Variants in DCAF6 observed in about 807,000 individuals in gnomAD.
DCAF6 encodes DDB1 and CUL4 associated factor 6.
In DCAF6, 54 loss-of-function variants were observed where a neutral mutation model predicts 125.1. That is an observed-to-expected ratio of 0.43 (90% CI 0.35 to 0.54). DCAF6 has a LOEUF of 0.54. Ranked by LOEUF, DCAF6 falls within the 20% of genes least tolerant of loss-of-function variation. The probability of loss-of-function intolerance (pLI) is 0.01; values close to 1 mark genes in which losing one functional copy is unlikely to be tolerated. For synonymous variants in DCAF6, 371 were observed against 390.4 expected, an observed-to-expected ratio of 0.95 and a Z score of 0.58; for missense variants, 934 against 1,161.7, an observed-to-expected ratio of 0.80 and a Z score of 2.85.
chr1:167,898,926 A>G, the DCAF6 span, among the ~76,000 whole-genome samples: 1 of 152,128 alleles, frequency 6.6e-6, no homozygotes, highest in Admixed American at 6.5e-5. Flanking sequence ...TCAATCTGCA[A>G]CTTAACCACA....
chr1:167,887,641 A>T, the DCAF6 span, among the ~76,000 whole-genome samples: 1 of 152,156 alleles, frequency 6.6e-6, no homozygotes. Flanking sequence ...ACATGTATAC[A>T]TAACGTAACA....
At chr1:167,931,471 C>T (rs1467229103), upstream of DCAF6, among the ~76,000 whole-genome samples, 1 of 151,894 alleles carries the variant, frequency 6.6e-6, no homozygotes, top group African/African-American at 2.4e-5. Context: ...TATCTCTTAA[C>T]TTTAAATAAG....
At chr1:168,070,577 A>G (rs1398152192) in intron 21 of DCAF6, among the ~76,000 whole-genome samples, 2 of 152,208 alleles carry the variant, frequency 1.3e-5, no homozygotes, top group Admixed American at 6.5e-5. Context: ...TTTACAAACT[A>G]CAAATACTTA....
chr1:167,899,890 C>T, the DCAF6 span, among the ~76,000 whole-genome samples: 3 of 152,296 alleles, frequency 2.0e-5, no homozygotes, highest in East Asian at 1.9e-4. Context: ...CTACCAGTCC[C>T]CAAAGTTATT....
the DCAF6 span, chr1:167,924,566 G>A: frequency 6.8e-7 from 1 of 1,462,420 alleles, no homozygotes; most frequent in Non-Finnish European, 9.1e-7. Context: ...GAAAAATTCA[G>A]GAATAAACCA....
At chr1:167,941,743 T>C (rs979355618) in intron 1 of DCAF6, among the ~76,000 whole-genome samples, 1 of 152,118 alleles carries the variant, frequency 6.6e-6, no homozygotes, top group African/African-American at 2.4e-5. Context: ...TTAAAAAAAT[T>C]TTTTTTTAAA....
intron 10 of DCAF6, among the ~76,000 whole-genome samples, chr1:168,009,678 T>C (rs1359202761): frequency 6.6e-6 from 1 of 152,090 alleles, no homozygotes; most frequent in Non-Finnish European, 1.5e-5. Context: ...GGCTTATCAC[T>C]TGGCCAACTT....
intron 6 of DCAF6, among the ~76,000 whole-genome samples, chr1:167,992,881 A>G (rs1681064071): frequency 6.6e-6 from 1 of 152,214 alleles, no homozygotes. Flanking sequence ...AGCTTTTTGT[A>G]AAAATTTGTT....
At chr1:168,002,657 A>G in intron 8 of DCAF6, 82 bp downstream of exon 8, 1 of 1,069,954 alleles carries the variant, frequency 9.3e-7, no homozygotes. Flanking sequence ...CACTATTATA[A>G]ATTATTCTGT....
At chr1:167,925,944 AAT>A in the DCAF6 span, among the ~76,000 whole-genome samples, 19 of 152,220 alleles carry the variant, frequency 1.2e-4, no homozygotes, top group African/African-American at 4.3e-4. Context: ...ATAGTTTTAA[AAT>A]ATGTTTGCTG....
At chr1:167,941,154 A>G (rs1166335540) in intron 1 of DCAF6, among the ~76,000 whole-genome samples, 1 of 152,092 alleles carries the variant, frequency 6.6e-6, no homozygotes, top group East Asian at 1.9e-4. Flanking sequence ...TTAGTGAAAT[A>G]TTTGTATTTT....
the DCAF6 span, chr1:167,870,285 C>A: frequency 6.2e-7 from 1 of 1,614,036 alleles, no homozygotes; most frequent in Middle Eastern, 1.7e-4. Flanking sequence ...GCCAGGTACT[C>A]AATTTTCATA....
In DCAF6 at chr1:168,063,643, C is replaced by T; in HGVS notation, c.2323C>T (p.Gln775Ter). Reference protein sequence around the residue: ...IMRRSAVARIQEFFRRRKERK... With the variant: ...IMRRSAVARI ...TAGACGCTCTGCTGTTGCCCGTATT[C>T]AGGAGTTCTTCAGACGGAGAAAAGA... Residue 775 changes from glutamine to a stop codon, truncating the protein, a stop_gained, in exon 18 of 22, where the codon CAG (glutamine) becomes TAG (stop). Transcript: ENST00000367840. LOFTEE classifies it high-confidence loss of function. 6.3e-7 allele frequency: 1 copy of T among 1,595,280 alleles called. No individual in the cohort carries two copies. Among genetic ancestry groups the T allele is most frequent in the Non-Finnish European group, 8.5e-7 (1 of 1,172,126 alleles).
upstream of DCAF6, among the ~76,000 whole-genome samples, chr1:167,933,686 C>T (rs1670978416): frequency 6.6e-6 from 1 of 152,178 alleles, no homozygotes; most frequent in Admixed American, 6.5e-5. Context: ...TGAATATTCA[C>T]TCTGGATAAA....
chr1:168,038,123 A>G (rs1384145393), intron 12 of DCAF6, among the ~76,000 whole-genome samples: 1 of 152,172 alleles, frequency 6.6e-6, no homozygotes, highest in Non-Finnish European at 1.5e-5. Context: ...ATGGTTCTCA[A>G]TGTGTGTGAT....
At chr1:167,877,726 GA>G in the DCAF6 span, among the ~76,000 whole-genome samples, 1 of 152,178 alleles carries the variant, frequency 6.6e-6, no homozygotes, top group African/African-American at 2.4e-5. Context: ...GACAAAGGGG[GA>G]AAGAGCTTAA....
At chr1:167,948,112 TTA>T (rs1179058162) in intron 1 of DCAF6, among the ~76,000 whole-genome samples, 4 of 151,922 alleles carry the variant, frequency 2.6e-5, no homozygotes, top group Non-Finnish European at 4.4e-5. Context: ...CTCTTTAATA[TTA>T]TATAACGACT....
the DCAF6 span, among the ~76,000 whole-genome samples, chr1:167,897,145 G>T: frequency 6.6e-6 from 1 of 151,524 alleles, no homozygotes; most frequent in South Asian, 2.1e-4. Flanking sequence ...ACTGAGGATG[G>T]CACGATCTCA....
chr1:168,018,149 T>C (rs186331712), intron 11 of DCAF6, among the ~76,000 whole-genome samples: 2 of 152,328 alleles, frequency 1.3e-5, no homozygotes, highest in East Asian at 3.9e-4. Context: ...GAAACCACTT[T>C]GTAGAAATAA....
Sources: gnomAD v4.1 joint callset for allele counts (sites outside exome capture counted in the v4.1 genomes callset) on GRCh38, gnomAD v4.1.1 for gene constraint, MANE v1.5 for transcripts, NCBI Gene and HGNC (gene_info 2026-07-23, HGNC 2026-07-21) for gene names.